The following TBX4 variants were observed in gnomAD, a reference collection of about 807,000 sequenced individuals.
The protein encoded by TBX4 is T-box transcription factor TBX4.
In TBX4, 13 loss-of-function variants were observed where a neutral mutation model predicts 54.6. That is an observed-to-expected ratio of 0.24 (90% CI 0.15 to 0.38). The LOEUF (loss-of-function observed/expected upper bound fraction) is 0.38, where lower values mean the gene tolerates loss of function less well. Ranked by LOEUF, TBX4 falls within the 10% of genes least tolerant of loss-of-function variation. The probability of loss-of-function intolerance (pLI) is 1.00; values close to 1 mark genes in which losing one functional copy is unlikely to be tolerated. For missense variants in TBX4, 631 were observed against 728.5 expected (o/e 0.87, Z 1.54); for synonymous variants, 314 against 306.7 (o/e 1.02, Z -0.25).
chr17:61,465,644 T>A lies in TBX4; in HGVS notation c.282-175T>A. 2.5e-6 allele frequency: 2 copies of A among 786,144 alleles called. No individual in the cohort carries two copies. The highest frequency in any genetic ancestry group is 4.3e-6 in the Non-Finnish European group (2 of 470,210). 48.7% of individuals were successfully genotyped at this position (786,144 alleles called of 1,614,324 possible). A position where few individuals can be genotyped will look rare whatever the true frequency, so the allele number is the denominator to read the frequency against. ...AGCAGCCAGTGCCACCTTTTCACTGTGCAGCTCGGGCAGAGGGGGAAGTGA... is the reference window on the plus strand; with the variant it reads ...AGCAGCCAGTGCCACCTTTTCACTGAGCAGCTCGGGCAGAGGGGGAAGTGA... On this transcript the variant is annotated intron_variant, in intron 3 of 8. Coordinates refer to ENST00000644296, the MANE Select transcript of TBX4 (RefSeq NM_001321120.2). This position sits in a 1 kb window ranked among gnomAD's most constrained non-coding sequence, Gnocchi z 4.9.
Position 61,465,730 on chromosome 17 carries a change from G to C in TBX4, c.282-89G>C. 6.4e-7 allele frequency: 1 copy of C among 1,564,266 alleles called. No individual in the cohort carries two copies. Among genetic ancestry groups the C allele is most frequent in the Non-Finnish European group, 8.8e-7 (1 of 1,140,184 alleles). On this transcript the variant is annotated intron_variant, in intron 3 of 8. Transcript: ENST00000644296. This position sits in a 1 kb window ranked among gnomAD's most constrained non-coding sequence, Gnocchi z 4.9. Reference sequence around the variant, plus strand: ...ATCGCTGGCCAAAAGGGCAGCATCTGTTAGCGGCCTTCTGCCCCCTTGCTC... The same window carrying C: ...ATCGCTGGCCAAAAGGGCAGCATCTCTTAGCGGCCTTCTGCCCCCTTGCTC...
At position 61,480,393 on chromosome 17, in the gene TBX4, C is replaced by G; in HGVS notation, c.1021+74C>G. On this transcript the variant is annotated intron_variant, in intron 8 of 8. Transcript: ENST00000644296. This position sits in a 1 kb window ranked among gnomAD's most constrained non-coding sequence, Gnocchi z 6.2. Reference sequence around the variant, plus strand: ...GGTTCTCCCCGAAACCACTCTGCAGCGCCCCCCCCCCCAACACACACACAC... The same window carrying G: ...GGTTCTCCCCGAAACCACTCTGCAGGGCCCCCCCCCCCAACACACACACAC... 5.4e-6 allele frequency: 6 copies of G among 1,107,592 alleles called. No individual in the cohort carries two copies. The highest frequency in any genetic ancestry group is 3.5e-5 in the African/African-American group (2 of 57,866). The allele number at this position is 1,107,592 out of a possible 1,614,324, so 68.6% of individuals were successfully genotyped here.
chr17:61,473,260 A>G (rs1284516393), intron 5 of TBX4, among the ~76,000 whole-genome samples: 1 of 152,154 alleles, frequency 6.6e-6, no homozygotes, highest in East Asian at 1.9e-4. Flanking sequence ...CCTTTCTTTC[A>G]CTACATTTTC....
intron 5 of TBX4, among the ~76,000 whole-genome samples, chr17:61,469,946 C>G (rs1246885314): frequency 1.3e-5 from 2 of 152,202 alleles, no homozygotes; most frequent in African/African-American, 4.8e-5. Context: ...TTCAGCTTGC[C>G]CTGAAAGCTT....
In TBX4 at chr17:61,457,550, T is replaced by C. The variant is rs1432619802; in HGVS notation, c.200T>C (p.Ile67Thr). Reference sequence around the variant, plus strand: ...TCCCATCCCCAGACCATCGAGAACATCAAGGTGGGGCTGCATGAGAAGGAG... The same window carrying C: ...TCCCATCCCCAGACCATCGAGAACACCAAGGTGGGGCTGCATGAGAAGGAG... The part of the protein sequence containing the change: ...AAAAEQTIEN[I>T]KVGLHEKELW... Residue 67 changes from isoleucine to threonine, a missense_variant, in exon 3 of 9, where the codon ATC becomes ACC. By Grantham distance (89) the Ile-to-Thr change is moderately conservative. Transcript: ENST00000644296. This position sits in a 1 kb window ranked among gnomAD's most constrained non-coding sequence, Gnocchi z 8.2. 1 of 1,613,492 alleles carries C rather than the reference T, an allele frequency of 6.2e-7. No individual in the cohort carries two copies.
chr17:61,469,896 T>C (rs2060564083), intron 5 of TBX4, among the ~76,000 whole-genome samples: 1 of 152,218 alleles, frequency 6.6e-6, no homozygotes, highest in East Asian at 1.9e-4. Context: ...CCACGTTGTA[T>C]TGGGAATTGC....
In TBX4 at chr17:61,485,109, A is replaced by G. The variant is rs1339767414; in HGVS notation, c.*1593A>G. ...AACATAAAGCCATTTTACAACTGTG[A>G]AGTGTGTGGATGCTCTTTATTACTG... is the stretch of plus-strand genomic sequence containing the variant. On this transcript the variant is annotated 3_prime_UTR_variant, in exon 9 of 9. Coordinates refer to ENST00000644296, the MANE Select transcript of TBX4 (RefSeq NM_001321120.2). This position sits in a 1 kb window ranked among gnomAD's most constrained non-coding sequence, Gnocchi z 4.6. 1 of 152,132 alleles carries G rather than the reference A, an allele frequency of 6.6e-6. No homozygotes were observed. The highest frequency in any genetic ancestry group is 1.5e-5 in the Non-Finnish European group (1 of 68,020). 9.4% of individuals were successfully genotyped at this position (152,132 alleles called of 1,614,324 possible).
rs1230938584 is a variant in TBX4, at chr17:61,484,334, C to A, written c.*818C>A. ...TCCCCCTAGGTCCCCAACATACAGTCTCTCACTCTGGTGTGTGGAGAGTCA... is the reference window on the plus strand; with the variant it reads ...TCCCCCTAGGTCCCCAACATACAGTATCTCACTCTGGTGTGTGGAGAGTCA... On this transcript the variant is annotated 3_prime_UTR_variant, in exon 9 of 9. Coordinates refer to ENST00000644296, the MANE Select transcript of TBX4 (RefSeq NM_001321120.2). This position sits in a 1 kb window ranked among gnomAD's most constrained non-coding sequence, Gnocchi z 4.1. 2 of 152,086 alleles carry A rather than the reference C, an allele frequency of 1.3e-5. No homozygotes were observed. The highest frequency in any genetic ancestry group is 3.9e-4 in the East Asian group (2 of 5,190). 9.4% of individuals were successfully genotyped at this position (152,086 alleles called of 1,614,324 possible).
chr17:61,477,638 C>T (rs1002547117), intron 5 of TBX4, among the ~76,000 whole-genome samples: 14 of 152,186 alleles, frequency 9.2e-5, no homozygotes, highest in Non-Finnish European at 1.3e-4. Flanking sequence ...CCTCTGTGAA[C>T]GTTGAGAAAT....
rs3744448 is a variant in TBX4 at position 61,456,507 on chromosome 17, G to C, written c.17G>C (p.Gly6Ala). 244,035 of 1,568,454 alleles carry C rather than the reference G, an allele frequency of 0.16. 20,546 individuals are homozygous for C. The highest frequency in any genetic ancestry group is 0.34 in the East Asian group (14,513 of 42,314). Residue 6 changes from glycine to alanine, a missense_variant, in exon 2 of 9, where the codon GGC becomes GCC. This residue lies in a region of TBX4 where 123 missense variants were observed against 120.9 expected (regional missense o/e 1.02). Transcript: ENST00000644296. The part of the protein sequence containing the change: MLQDK[G>A]LSESEEAFRA... Reference sequence around the variant, plus strand: ...CCGCAGGAGATGCTGCAGGATAAGGGCCTGTCCGAGAGCGAGGAGGCCTTC... The same window carrying C: ...CCGCAGGAGATGCTGCAGGATAAGGCCCTGTCCGAGAGCGAGGAGGCCTTC...
rs1186875361 is a variant in TBX4, at chr17:61,472,696, ACTTTT to A, written c.549+5045_549+5049del. Among the ~76,000 whole-genome samples the A allele has an allele frequency of 6.6e-6, 1 of 152,096 alleles. No individual in the cohort carries two copies. Among genetic ancestry groups the A allele is most frequent in the Non-Finnish European group, 1.5e-5 (1 of 68,004 alleles). ...TAACCCCCCTCCTTACTTATAAGGG[ACTTTT>A]CTTTTAGTATTTTATGGATTTATTT... On this transcript the variant is annotated intron_variant, in intron 5 of 8. Coordinates refer to ENST00000644296, the MANE Select transcript of TBX4 (RefSeq NM_001321120.2). This position sits in a 1 kb window ranked among gnomAD's most constrained non-coding sequence, Gnocchi z 4.5.
At chr17:61,473,185 C>T (rs2143840651) in intron 5 of TBX4, among the ~76,000 whole-genome samples, 1 of 152,246 alleles carries the variant, frequency 6.6e-6, no homozygotes, top group South Asian at 2.1e-4. Context: ...TTCAGGTTTC[C>T]TTGAAATGGC....
At chr17:61,455,261 C>A (rs1344876977) in intron 1 of TBX4, among the ~76,000 whole-genome samples, 1 of 152,102 alleles carries the variant, frequency 6.6e-6, no homozygotes, top group Non-Finnish European at 1.5e-5. Context: ...ACAAGATGGG[C>A]GAGAGGCCTG....
intron 5 of TBX4, among the ~76,000 whole-genome samples, chr17:61,473,993 T>TGAC (rs1376456149): frequency 2.0e-5 from 3 of 152,162 alleles, no homozygotes; most frequent in Non-Finnish European, 4.4e-5. Flanking sequence ...ATGGGCTCCC[T>TGAC]GACTTAGATC....
Position 61,478,796 on chromosome 17 carries a change from A to G in TBX4, c.702+17A>G. The G allele has an allele frequency of 6.2e-7, 1 of 1,613,968 alleles. No individual in the cohort carries two copies. The highest frequency in any genetic ancestry group is 8.5e-7 in the Non-Finnish European group (1 of 1,179,984). ...AATCACAAGGTACAGCCACTGCCCCACTGCCCCACAGCCCCACTTAACACC... is the reference window on the plus strand; with the variant it reads ...AATCACAAGGTACAGCCACTGCCCCGCTGCCCCACAGCCCCACTTAACACC... On this transcript the variant is annotated intron_variant, in intron 6 of 8. Coordinates refer to ENST00000644296, the MANE Select transcript of TBX4 (RefSeq NM_001321120.2). This position sits in a 1 kb window ranked among gnomAD's most constrained non-coding sequence, Gnocchi z 7.4.
Position 61,465,800 on chromosome 17 carries a change from C to A in TBX4, c.282-19C>A, listed in dbSNP as rs1003877967. 6.2e-7 allele frequency: 1 copy of A among 1,613,786 alleles called. No individual in the cohort carries two copies. On this transcript the variant is annotated intron_variant, in intron 3 of 8. Transcript: ENST00000644296. The surrounding 1 kb of genome is among the most constrained non-coding windows in gnomAD (Gnocchi z 4.9). ...GGTGCTCTGTCCACACGCTCCGCCT[C>A]ACCCCTCGGCTCCCCCAGGAGGATG...
chr17:61,473,920 C>G (rs1403711263), intron 5 of TBX4, among the ~76,000 whole-genome samples: 3 of 152,168 alleles, frequency 2.0e-5, no homozygotes, highest in Middle Eastern at 3.2e-3. Flanking sequence ...CGGTACCACC[C>G]CAGTGTTGCT....
chr17:61,452,545 G>T lies in TBX4; in HGVS notation c.-36G>T, dbSNP rs1242927349. 6.6e-6 allele frequency: 1 copy of T among 152,276 alleles called. No individual in the cohort carries two copies. Among genetic ancestry groups the T allele is most frequent in the African/African-American group, 2.4e-5 (1 of 41,464 alleles). The allele number at this position is 152,276 out of a possible 1,614,324, so 9.4% of individuals were successfully genotyped here. On this transcript the variant is annotated 5_prime_UTR_variant, in exon 1 of 9. Coordinates refer to ENST00000644296, the MANE Select transcript of TBX4 (RefSeq NM_001321120.2). ...CCGAACCTGCAGGGGACCTCGGGCC[G>T]CTGGCGCCTCCGCATGCGGCACCGC...
Position 61,467,751 on chromosome 17 carries a change from G to A in TBX4, c.549+94G>A. On this transcript the variant is annotated intron_variant, in intron 5 of 8. Transcript: ENST00000644296. ...ATGGGGATAGGGAGAATCCACTCCG[G>A]GATCCAGCTCCAGGCTTTGGCGCTC... 5 of 1,518,486 alleles carry A rather than the reference G, an allele frequency of 3.3e-6. No homozygotes were observed. In the South Asian group the frequency reaches 4.7e-5, roughly 14 times the overall value. The allele number at this position is 1,518,486 out of a possible 1,614,324, so 94.1% of individuals were successfully genotyped here.
Sources: gnomAD v4.1 joint callset for allele counts (sites outside exome capture counted in the v4.1 genomes callset) on GRCh38, gnomAD v4.1.1 for gene constraint, gnomAD v4.1.1 regional missense constraint, Gnocchi (gnomAD v3.1) non-coding constraint, MANE v1.5 for transcripts, NCBI Gene and HGNC (gene_info 2026-07-23, HGNC 2026-07-21) for gene names.